The following KCNG4 variants were observed in gnomAD, a reference collection of about 807,000 sequenced individuals.
The protein encoded by KCNG4 is potassium voltage-gated channel modifier subfamily G member 4.
A neutral mutation model predicts 28.2 loss-of-function variants in KCNG4; 30 were observed. The observed-to-expected ratio is 1.06, with a 90% CI of 0.80 to 1.44. The LOEUF is 1.44. KCNG4 is among the 40% of genes most tolerant of loss of function. KCNG4 has a pLI of 0.00. For missense variants in KCNG4, 879 were observed against 712.3 expected, an observed-to-expected ratio of 1.23 and a Z score of -2.66; for synonymous variants, 375 against 315.5, an observed-to-expected ratio of 1.19 and a Z score of -2.00.
rs113062863 is a variant in KCNG4 at position 84,222,398 on chromosome 16, G to A, written c.1379C>T (p.Ser460Phe). 8.7e-6 allele frequency: 14 copies of A among 1,614,086 alleles called. No homozygotes were observed. In the East Asian group the frequency reaches 3.1e-4, roughly 36 times the overall value. Residue 460 changes from serine (S) to phenylalanine (F), a missense_variant, in exon 3 of 3, where the codon TCC becomes TTC. Transcript: ENST00000308251. Reference sequence around the variant, plus strand: ...CTGCTCCTTCTTGAGCTCCAGGTAGGAGTGGGAGAAGGTGTGGAAGATAGA... The same window carrying A: ...CTGCTCCTTCTTGAGCTCCAGGTAGAAGTGGGAGAAGGTGTGGAAGATAGA... ...ATSIFHTFSH[S>F]YLELKKEQEQ...
Position 84,222,451 on chromosome 16 carries a change from C to A in KCNG4, c.1326G>T (p.Gly442=), listed in dbSNP as rs1262176774. ...QMVALSSILS[G]ILIMAFPATS... is the part of the protein sequence containing the mutation. ...TGGCCGGGAAGGCCATGATGAGGAT[C>A]CCGCTCAGGATGCTGCTGAGGGCCA... The change falls in exon 3 of 3, where the codon GGG becomes GGT. Residue 442 remains glycine (G), a synonymous_variant. Transcript: ENST00000308251. 1 of 1,613,938 alleles carries A rather than the reference C, an allele frequency of 6.2e-7. No individual in the cohort carries two copies. Among genetic ancestry groups the A allele is most frequent in the Non-Finnish European group, 8.5e-7 (1 of 1,180,020 alleles).
In KCNG4 at chr16:84,226,963, A is replaced by G. The variant is rs570716121; in HGVS notation, c.757-3943T>C. On this transcript the variant is annotated intron_variant, in intron 2 of 2. Transcript: ENST00000308251. The surrounding 1 kb of genome is among the most constrained non-coding windows in gnomAD (Gnocchi z 4.1). Reference sequence around the variant, plus strand: ...AGTCATGGTTTCCCAGAAGTTCCTTATATTATTCTATTTACCTTGTAAATG... The same window carrying G: ...AGTCATGGTTTCCCAGAAGTTCCTTGTATTATTCTATTTACCTTGTAAATG... 1.3e-5 allele frequency among the ~76,000 whole-genome samples: 2 copies of G among 152,206 alleles called. No individual in the cohort carries two copies. The highest frequency in any genetic ancestry group is 4.1e-4 in the South Asian group (2 of 4,824).
At position 84,236,560 on chromosome 16, in the gene KCNG4, A is replaced by C. The variant is rs1274144761; in HGVS notation, c.756+170T>G. ...TCCAATAAAAAAAAAAAAGATGGAAAATTATCTTTTATGACTGATGGCCTA... is the reference window on the plus strand; with the variant it reads ...TCCAATAAAAAAAAAAAAGATGGAACATTATCTTTTATGACTGATGGCCTA... On this transcript the variant is annotated intron_variant, in intron 2 of 2. Coordinates refer to ENST00000308251, the MANE Select transcript of KCNG4 (RefSeq NM_172347.3). 3 of 898,004 alleles carry C rather than the reference A, an allele frequency of 3.3e-6. No homozygotes were observed. In the African/African-American group the frequency reaches 5.1e-5, roughly 15 times the overall value. The allele number at this position is 898,004 out of a possible 1,614,324, so 55.6% of individuals were successfully genotyped here. A position where few individuals can be genotyped will look rare whatever the true frequency, so the allele number is the denominator to read the frequency against.
At chr16:84,233,482 C>G (rs767631897) in intron 2 of KCNG4, among the ~76,000 whole-genome samples, 1 of 152,092 alleles carries the variant, frequency 6.6e-6, no homozygotes, top group African/African-American at 2.4e-5. Context: ...GCAGGCAGAT[C>G]GCTTGAACTC....
intron 2 of KCNG4, among the ~76,000 whole-genome samples, chr16:84,234,431 G>A (rs1015958038): frequency 9.2e-5 from 14 of 152,000 alleles, no homozygotes; most frequent in Non-Finnish European, 1.5e-4. Flanking sequence ...CACCCACCTC[G>A]GCTTCCCAGA....
chr16:84,228,863 TTCC>T (rs1378040825), intron 2 of KCNG4, among the ~76,000 whole-genome samples: 4 of 152,232 alleles, frequency 2.6e-5, no homozygotes, highest in African/African-American at 9.6e-5. Flanking sequence ...GCTGCTTCTC[TTCC>T]TCCTCAGTCC....
chr16:84,221,621 C>T lies in KCNG4; in HGVS notation c.*596G>A, dbSNP rs1405506667. On this transcript the variant is annotated 3_prime_UTR_variant, in exon 3 of 3. Transcript: ENST00000308251. ...GAGATTTACTGCAAAAAGGCTGATT[C>T]TGCCTTCTTAGCTACAAGTGTTCAG... The T allele has an allele frequency of 6.6e-6, 1 of 152,468 alleles. No homozygotes were observed. Among genetic ancestry groups the T allele is most frequent in the Non-Finnish European group, 1.5e-5 (1 of 68,252 alleles). The allele number at this position is 152,468 out of a possible 1,614,324, so 9.4% of individuals were successfully genotyped here.
At chr16:84,236,611 A>G (rs1904955982) in intron 2 of KCNG4, 119 bp downstream of exon 2, 1 of 1,038,240 alleles carries the variant, frequency 9.6e-7, no homozygotes, top group Non-Finnish European at 1.4e-6. Flanking sequence ...CATGTTGGAT[A>G]ATATTCATTT....
intron 2 of KCNG4, among the ~76,000 whole-genome samples, chr16:84,227,314 C>A (rs1173555026): frequency 6.6e-6 from 1 of 152,220 alleles, no homozygotes; most frequent in Non-Finnish European, 1.5e-5. Context: ...TGGTGGCTCA[C>A]GCCTGTAATC....
intron 2 of KCNG4, among the ~76,000 whole-genome samples, chr16:84,232,999 T>C (rs1597620110): frequency 6.6e-6 from 1 of 151,954 alleles, no homozygotes; most frequent in African/African-American, 2.4e-5. Context: ...TGGACTTTAG[T>C]AGGCAGTCAA....
rs2151335004 is a variant in KCNG4 at position 84,220,447 on chromosome 16, G to A, written c.*1770C>T. The A allele has an allele frequency of 6.6e-6, 1 of 152,376 alleles. No individual in the cohort carries two copies. The highest frequency in any genetic ancestry group is 2.4e-5 in the African/African-American group (1 of 41,586). 9.4% of individuals were successfully genotyped at this position (152,376 alleles called of 1,614,324 possible). A position where few individuals can be genotyped will look rare whatever the true frequency, so the allele number is the denominator to read the frequency against. On this transcript the variant is annotated 3_prime_UTR_variant, in exon 3 of 3. Transcript: ENST00000308251. ...GGTGCTTCCTGGGCCAGAGCCCTCT[G>A]CCACGCTGCTGTCTGGCATTGCCAT...
rs1567622985 is a variant in KCNG4, at chr16:84,222,196, G to A, written c.*21C>T. On this transcript the variant is annotated 3_prime_UTR_variant, in exon 3 of 3. Coordinates refer to ENST00000308251, the MANE Select transcript of KCNG4 (RefSeq NM_172347.3). ...CAGGGTGATGGGTTGAGGTTACCAT[G>A]TAGTCATGGGGGGTGCTGAGTTACA... The A allele has an allele frequency of 6.2e-7, 1 of 1,611,428 alleles. No individual in the cohort carries two copies. The highest frequency in any genetic ancestry group is 1.3e-5 in the African/African-American group (1 of 75,024).
At chr16:84,230,939 G>A (rs544537446) in intron 2 of KCNG4, among the ~76,000 whole-genome samples, 222 of 152,326 alleles carry the variant, frequency 1.5e-3, no homozygotes, top group African/African-American at 5.1e-3. Flanking sequence ...CAGAAAAGAC[G>A]CGCTGACAGC....
chr16:84,229,515 C>T (rs1904775385), intron 2 of KCNG4, among the ~76,000 whole-genome samples: 1 of 152,212 alleles, frequency 6.6e-6, no homozygotes, highest in Admixed American at 6.5e-5. Flanking sequence ...AGCGGTTCTC[C>T]CCGTGTGGGG....
At chr16:84,233,107 G>T (rs1904865127) in intron 2 of KCNG4, among the ~76,000 whole-genome samples, 1 of 152,128 alleles carries the variant, frequency 6.6e-6, no homozygotes, top group Admixed American at 6.6e-5. Context: ...CAGTATGACG[G>T]ACTTTCGCTG....
At chr16:84,237,578 G>A (rs1032870415) in intron 1 of KCNG4, 53 bp from the exon 2 acceptor site, 3 of 1,307,304 alleles carry the variant, frequency 2.3e-6, no homozygotes, top group Non-Finnish European at 2.0e-6. Context: ...CAGTCTTGGG[G>A]CAAAGAGTCC....
chr16:84,223,090 A>G (rs1371946612), intron 2 of KCNG4, 70 bp from the exon 3 acceptor site: 1 of 1,226,066 alleles, frequency 8.2e-7, no homozygotes, highest in Non-Finnish European at 1.1e-6. Flanking sequence ...TCGGGGGACG[A>G]CTTCATGCCC....
intron 2 of KCNG4, 100 bp downstream of exon 2, chr16:84,236,630 T>G: frequency 8.2e-7 from 1 of 1,215,124 alleles, no homozygotes; most frequent in African/African-American, 1.5e-5. Flanking sequence ...TTTTTTCTTC[T>G]TATTTTAAGA....
At position 84,226,446 on chromosome 16, in the gene KCNG4, C is replaced by T. The variant is rs111520044; in HGVS notation, c.757-3426G>A. 1.8e-4 allele frequency among the ~76,000 whole-genome samples: 28 copies of T among 152,164 alleles called. No homozygotes were observed. The highest frequency in any genetic ancestry group is 5.8e-4 in the African/African-American group (24 of 41,494). On this transcript the variant is annotated intron_variant, in intron 2 of 2. Coordinates refer to ENST00000308251, the MANE Select transcript of KCNG4 (RefSeq NM_172347.3). This position sits in a 1 kb window ranked among gnomAD's most constrained non-coding sequence, Gnocchi z 4.1. ...GGGGAGAGGCTGACACGGGTGCATC[C>T]GTTTATTAAATTCTACACCTAGGAT...
Sources: gnomAD v4.1 joint callset for allele counts (sites outside exome capture counted in the v4.1 genomes callset) on GRCh38, gnomAD v4.1.1 for gene constraint, Gnocchi (gnomAD v3.1) non-coding constraint, MANE v1.5 for transcripts, NCBI Gene and HGNC (gene_info 2026-07-23, HGNC 2026-07-21) for gene names.